HSD17B2: variants seen among roughly 807,000 people sequenced by gnomAD.
The protein encoded by HSD17B2 is 17-beta-hydroxysteroid dehydrogenase type 2.
Under a neutral mutation model 26.9 loss-of-function variants are expected in HSD17B2, and 32 were observed. The ratio of observed to expected loss-of-function variants is 1.19; its 90% confidence interval spans 0.90 to 1.60. The LOEUF (loss-of-function observed/expected upper bound fraction) is 1.60. HSD17B2 is among the 40% of genes most tolerant of loss of function. The probability of loss-of-function intolerance (pLI) is 0.00; values close to 1 mark genes in which losing one functional copy is unlikely to be tolerated. For missense variants in HSD17B2, 613 were observed against 468.6 expected, an observed-to-expected ratio of 1.31 and a Z score of -2.85; for synonymous variants, 246 against 186.7, an observed-to-expected ratio of 1.32 and a Z score of -2.59.
At position 82,054,755 on chromosome 16, in the gene HSD17B2, T is replaced by C. The variant is rs141428196; in HGVS notation, c.266-13415T>C. Reference sequence around the variant, plus strand: ...CACTTCATCTCTTTGAGATGTCATTTTTTCCTCTTTCCCCACTAGTGTCTT... The same window carrying C: ...CACTTCATCTCTTTGAGATGTCATTCTTTCCTCTTTCCCCACTAGTGTCTT... On this transcript the variant is annotated intron_variant, in intron 1 of 4. Coordinates refer to ENST00000199936, the MANE Select transcript of HSD17B2 (RefSeq NM_002153.3). 1.8e-3 allele frequency among the ~76,000 whole-genome samples: 280 copies of C among 152,302 alleles called. 1 individual carries two copies. Among genetic ancestry groups the C allele is most frequent in the African/African-American group, 6.0e-3 (251 of 41,562 alleles).
rs142414183 is a variant in HSD17B2 at position 82,035,455 on chromosome 16, A to G, written c.31A>G (p.Ile11Val). ...CACTTTCTTCTCGGACACAGCATGG[A>G]TCTGCCTGGCTGTCCCCACAGTACT... MSTFFSDTAWICLAVPTVLCG... is the reference protein window; with the variant it reads MSTFFSDTAWVCLAVPTVLCG... The change falls in exon 1 of 5, where the codon ATC becomes GTC. Residue 11 changes from isoleucine (I) to valine (V), a missense_variant. Coordinates refer to ENST00000199936, the MANE Select transcript of HSD17B2 (RefSeq NM_002153.3). The G allele has an allele frequency of 1.2e-6, 2 of 1,613,580 alleles. No homozygotes were observed. Among genetic ancestry groups the G allele is most frequent in the Non-Finnish European group, 1.7e-6 (2 of 1,179,820 alleles).
At chr16:82,055,313 GCACCCAGTCACTATTCTGTTGCAAA>G (rs999906084) in intron 1 of HSD17B2, among the ~76,000 whole-genome samples, 1 of 152,148 alleles carries the variant, frequency 6.6e-6, no homozygotes, top group African/African-American at 2.4e-5. Context: ...TGGCATCCTG[GCACCCAGTCACTATTCTGTTGCAAA>G]CACCCATTCC....
At chr16:82,066,211 G>C (rs1193618031) in intron 1 of HSD17B2, among the ~76,000 whole-genome samples, 2 of 152,126 alleles carry the variant, frequency 1.3e-5, no homozygotes, top group Non-Finnish European at 2.9e-5. Flanking sequence ...CTCCTCCTCT[G>C]GCCAGCCCCA....
chr16:82,040,404 C>T (rs912437827), intron 1 of HSD17B2, among the ~76,000 whole-genome samples: 40 of 152,196 alleles, frequency 2.6e-4, no homozygotes, highest in African/African-American at 8.0e-4. Flanking sequence ...ATTCTCACAA[C>T]CCTAATAATT....
At chr16:82,077,586 C>T (rs1320119242) in intron 3 of HSD17B2, among the ~76,000 whole-genome samples, 1 of 151,968 alleles carries the variant, frequency 6.6e-6, no homozygotes, top group Non-Finnish European at 1.5e-5. Flanking sequence ...AAAAATTAGC[C>T]AGGCATGGTG....
intron 1 of HSD17B2, among the ~76,000 whole-genome samples, chr16:82,061,677 G>T (rs1049741856): frequency 2.0e-5 from 3 of 152,132 alleles, no homozygotes; most frequent in African/African-American, 7.2e-5. Context: ...GTTAAAGAAC[G>T]ATATGTAGGA....
At chr16:82,066,271 A>C (rs1914569953) in intron 1 of HSD17B2, among the ~76,000 whole-genome samples, 1 of 152,204 alleles carries the variant, frequency 6.6e-6, no homozygotes, top group South Asian at 2.1e-4. Context: ...AATGACATAC[A>C]TGGAGACATA....
intron 1 of HSD17B2, among the ~76,000 whole-genome samples, chr16:82,044,890 G>T (rs1056158534): frequency 6.6e-6 from 1 of 152,012 alleles, no homozygotes. Context: ...GGCCAGGGTG[G>T]GCAGATCACC....
chr16:82,053,081 G>A (rs915649556), intron 1 of HSD17B2, among the ~76,000 whole-genome samples: 3 of 152,204 alleles, frequency 2.0e-5, no homozygotes, highest in Non-Finnish European at 4.4e-5. Context: ...ATCAACATAT[G>A]AATTTGGGGA....
intron 1 of HSD17B2, among the ~76,000 whole-genome samples, chr16:82,046,886 T>C (rs553174513): frequency 1.2e-4 from 18 of 152,302 alleles, no homozygotes; most frequent in African/African-American, 3.8e-4. Context: ...TTGGCAGTGC[T>C]GGAATTCAAA....
At chr16:82,092,903 C>G (rs1039770941) in intron 4 of HSD17B2, 1 of 152,144 alleles carries the variant, frequency 6.6e-6, no homozygotes, top group African/African-American at 2.4e-5. Flanking sequence ...TTTGGTGACA[C>G]AGCCCAAAGA....
intron 3 of HSD17B2, among the ~76,000 whole-genome samples, chr16:82,080,858 A>T (rs1251030656): frequency 1.3e-5 from 2 of 152,210 alleles, no homozygotes; most frequent in Non-Finnish European, 2.9e-5. Flanking sequence ...AGAGTCAATC[A>T]AACAGATTTT....
At chr16:82,053,279 A>C (rs1914163353) in intron 1 of HSD17B2, among the ~76,000 whole-genome samples, 1 of 152,210 alleles carries the variant, frequency 6.6e-6, no homozygotes, top group South Asian at 2.1e-4. Context: ...CAGGGGAAAA[A>C]GCCAAACCAA....
intron 3 of HSD17B2, among the ~76,000 whole-genome samples, chr16:82,073,924 A>G (rs1241251150): frequency 6.6e-6 from 1 of 152,244 alleles, no homozygotes; most frequent in African/African-American, 2.4e-5. Flanking sequence ...ACAAAGCTGG[A>G]GGCATCACAC....
At chr16:82,080,047 T>C (rs1479679891) in intron 3 of HSD17B2, among the ~76,000 whole-genome samples, 10 of 152,086 alleles carry the variant, frequency 6.6e-5, no homozygotes, top group Admixed American at 6.5e-4. Context: ...ACCTTCTGAG[T>C]GACAAGAATT....
intron 3 of HSD17B2, 156 bp downstream of exon 3, chr16:82,071,283 A>G: frequency 2.8e-6 from 2 of 723,642 alleles, no homozygotes; most frequent in African/African-American, 3.5e-5. Context: ...ATCACAATAA[A>G]ACCTTTCTCT....
intron 1 of HSD17B2, among the ~76,000 whole-genome samples, chr16:82,048,461 T>G (rs894067988): frequency 6.6e-6 from 1 of 152,146 alleles, no homozygotes; most frequent in African/African-American, 2.4e-5. Context: ...TGAGCAACTC[T>G]GAAAATTTGA....
chr16:82,051,608 T>C (rs1038240141), intron 1 of HSD17B2, among the ~76,000 whole-genome samples: 1 of 151,936 alleles, frequency 6.6e-6, no homozygotes, highest in African/African-American at 2.4e-5. Flanking sequence ...TCAGGACAAA[T>C]AGCTAATGCA....
chr16:82,091,155 C>A, intron 4 of HSD17B2, 116 bp downstream of exon 4: 1 of 1,040,516 alleles, frequency 9.6e-7, no homozygotes, highest in Non-Finnish European at 1.5e-6. Flanking sequence ...TGAGCACAGC[C>A]AGAGATCAGT....
Sources: gnomAD v4.1 joint callset for allele counts (sites outside exome capture counted in the v4.1 genomes callset) on GRCh38, gnomAD v4.1.1 for gene constraint, MANE v1.5 for transcripts, NCBI Gene and HGNC (gene_info 2026-07-23, HGNC 2026-07-21) for gene names.